RUNDC3B: variants seen among roughly 807,000 people sequenced by gnomAD.
RUNDC3B encodes RUN domain containing 3B, also known as RUN domain-containing protein 3B.
A neutral mutation model predicts 58.4 loss-of-function variants in RUNDC3B; 33 were observed. The observed-to-expected ratio is 0.56, with a 90% CI of 0.43 to 0.75. The LOEUF is 0.75. Ranked by LOEUF, RUNDC3B falls within the 30% of genes least tolerant of loss-of-function variation. RUNDC3B has a pLI of 0.00. For synonymous variants in RUNDC3B, 193 were observed against 195.2 expected, an observed-to-expected ratio of 0.99 and a Z score of 0.10; for missense variants, 501 against 535.7, an observed-to-expected ratio of 0.94 and a Z score of 0.64.
At chr7:87,762,295 CTTG>C (rs1214144611) in intron 6 of RUNDC3B, among the ~76,000 whole-genome samples, 3 of 151,528 alleles carry the variant, frequency 2.0e-5, no homozygotes, top group South Asian at 4.2e-4. Context: ...CTTACATCTC[CTTG>C]TTTTTCTGGA....
intron 10 of RUNDC3B, among the ~76,000 whole-genome samples, chr7:87,824,337 G>C (rs1837673169): frequency 6.6e-6 from 1 of 152,204 alleles, no homozygotes; most frequent in African/African-American, 2.4e-5. Context: ...CACAAGATCT[G>C]ATGGTTTTAA....
chr7:87,814,017 G>C (rs1371177404), intron 9 of RUNDC3B, among the ~76,000 whole-genome samples: 1 of 151,134 alleles, frequency 6.6e-6, no homozygotes, highest in African/African-American at 2.4e-5. Flanking sequence ...AATCAAGTGA[G>C]ATTTTCTGTG....
chr7:87,827,136 A>T (rs1446472395), intron 10 of RUNDC3B, among the ~76,000 whole-genome samples: 1 of 152,190 alleles, frequency 6.6e-6, no homozygotes, highest in Non-Finnish European at 1.5e-5. Context: ...CAAAATTATG[A>T]TTTATTCTGA....
At chr7:87,751,590 T>C (rs927014081) in intron 6 of RUNDC3B, among the ~76,000 whole-genome samples, 4 of 152,160 alleles carry the variant, frequency 2.6e-5, no homozygotes, top group Admixed American at 6.5e-5. Context: ...TGAAGAGGTC[T>C]TTCACATCCC....
At chr7:87,672,056 ACT>A (rs1355998980) in intron 2 of RUNDC3B, among the ~76,000 whole-genome samples, 1 of 151,680 alleles carries the variant, frequency 6.6e-6, no homozygotes, top group African/African-American at 2.4e-5. Flanking sequence ...GTCTGCTCAG[ACT>A]CTCCAAATCC....
In RUNDC3B at chr7:87,830,240, GA is replaced by G. The variant is rs761556494; in HGVS notation, c.*211del. Reference sequence around the variant, plus strand: ...TTTTAAAATTCTTACATTTGTCATTGAGAAAGTTCAAAATGGAATAGGCTTT... The same window carrying G: ...TTTTAAAATTCTTACATTTGTCATTGGAAAGTTCAAAATGGAATAGGCTTT... On this transcript the variant is annotated 3_prime_UTR_variant, in exon 11 of 11. Transcript: ENST00000394654. 5.6e-5 allele frequency: 19 copies of G among 342,134 alleles called. No individual in the cohort carries two copies. Among genetic ancestry groups the G allele is most frequent in the Non-Finnish European group, 8.9e-5 (17 of 191,722 alleles). 21.2% of individuals were successfully genotyped at this position (342,134 alleles called of 1,614,324 possible).
intron 1 of RUNDC3B, among the ~76,000 whole-genome samples, chr7:87,648,379 G>A (rs1823238991): frequency 6.6e-6 from 1 of 152,010 alleles, no homozygotes; most frequent in Non-Finnish European, 1.5e-5. Context: ...GAGGAAAGTG[G>A]TTGCAACAGA....
intron 10 of RUNDC3B, among the ~76,000 whole-genome samples, chr7:87,823,321 T>G (rs1837598041): frequency 6.6e-6 from 1 of 152,152 alleles, no homozygotes. Flanking sequence ...ACATAGCCCT[T>G]TCCATAGAAA....
At chr7:87,670,971 C>T (rs911186130) in intron 2 of RUNDC3B, among the ~76,000 whole-genome samples, 11 of 147,376 alleles carry the variant, frequency 7.5e-5, no homozygotes, top group African/African-American at 2.7e-4. Flanking sequence ...GGGGCGATCT[C>T]AGTGTTTATG....
intron 4 of RUNDC3B, among the ~76,000 whole-genome samples, chr7:87,736,865 ATATATATATATATATATATATATATTTTT>A (rs1333263558): frequency 2.9e-5 from 1 of 34,680 alleles, no homozygotes; most frequent in African/African-American, 1.1e-4. Flanking sequence ...CTATATATAT[ATATATATATATATATATATATATATTTTT>A]TTTTTTTTTT....
At position 87,703,914 on chromosome 7, in the gene RUNDC3B, G is replaced by GTTTTTTTTTTTTTTTT. The variant is rs35797972; in HGVS notation, c.372+3371_372+3386dup. Among the ~76,000 whole-genome samples the GTTTTTTTTTTTTTTTT allele has an allele frequency of 1.9e-3, 82 of 42,978 alleles. 1 individual carries two copies. Among genetic ancestry groups the GTTTTTTTTTTTTTTTT allele is most frequent in the South Asian group, 2.6e-3 (3 of 1,170 alleles). 28.2% of individuals were successfully genotyped at this position (42,978 alleles called of 152,430 possible). A position where few individuals can be genotyped will look rare whatever the true frequency, so the allele number is the denominator to read the frequency against. ...TTTTTTTTTTTTTTTTTTTTTTTTG[G>GTTTTTTTTTTTTTTTT]TTTTTTTTTTTTTTTTTTTTTTTTT... On this transcript the variant is annotated intron_variant, in intron 3 of 10. Transcript: ENST00000394654.
chr7:87,781,506 A>C (rs556012657), intron 8 of RUNDC3B, among the ~76,000 whole-genome samples: 1 of 151,866 alleles, frequency 6.6e-6, no homozygotes, highest in African/African-American at 2.4e-5. Flanking sequence ...TCTGGCTAGG[A>C]CTTCTAGTAC....
intron 9 of RUNDC3B, among the ~76,000 whole-genome samples, chr7:87,809,476 C>G (rs1040161485): frequency 3.2e-4 from 48 of 152,152 alleles, no homozygotes; most frequent in African/African-American, 1.0e-3. Flanking sequence ...TTGCTCTTTT[C>G]TTTCTGCACA....
At chr7:87,693,928 T>G (rs757981347) in intron 2 of RUNDC3B, 1 of 1,611,280 alleles carries the variant, frequency 6.2e-7, no homozygotes, top group East Asian at 2.2e-5. Flanking sequence ...AAGTTGCAGA[T>G]GGCTGGCTCA....
chr7:87,688,677 G>A lies in RUNDC3B; in HGVS notation c.239-11744G>A, dbSNP rs982556649. On this transcript the variant is annotated intron_variant, in intron 2 of 10. Transcript: ENST00000394654. Reference sequence around the variant, plus strand: ...TTTCATTTGAGACTTTATGATTTCTGTTTTAAAACATATGAAATATTTTTC... The same window carrying A: ...TTTCATTTGAGACTTTATGATTTCTATTTTAAAACATATGAAATATTTTTC... Among the ~76,000 whole-genome samples, 8 of 151,608 alleles carry A rather than the reference G, an allele frequency of 5.3e-5. No individual in the cohort carries two copies. The East Asian group carries it at 7.7e-4, about 15-fold the overall frequency.
intron 8 of RUNDC3B, 97 bp downstream of exon 8, chr7:87,778,052 T>A (rs1260059863): frequency 9.9e-7 from 1 of 1,007,082 alleles, no homozygotes; most frequent in African/African-American, 1.6e-5. Context: ...GAAATCTTAT[T>A]GCCTGTTAAA....
At chr7:87,732,640 A>AG (rs749575020) in intron 4 of RUNDC3B, among the ~76,000 whole-genome samples, 6 of 152,202 alleles carry the variant, frequency 3.9e-5, no homozygotes, top group African/African-American at 7.2e-5. Context: ...AGCTGGGTCC[A>AG]GGGGGGTCAC....
At chr7:87,745,176 C>T (rs773096354) in intron 6 of RUNDC3B, among the ~76,000 whole-genome samples, 2 of 152,120 alleles carry the variant, frequency 1.3e-5, no homozygotes, top group Non-Finnish European at 2.9e-5. Flanking sequence ...CCCACTTGAT[C>T]ATGATAGATT....
chr7:87,800,538 T>C (rs1179323352), intron 8 of RUNDC3B, among the ~76,000 whole-genome samples: 3 of 152,162 alleles, frequency 2.0e-5, no homozygotes, highest in Non-Finnish European at 2.9e-5. Flanking sequence ...CATATGGTAA[T>C]TCTATTTTCA....
Sources: gnomAD v4.1 joint callset for allele counts (sites outside exome capture counted in the v4.1 genomes callset) on GRCh38, gnomAD v4.1.1 for gene constraint, MANE v1.5 for transcripts, NCBI Gene and HGNC (gene_info 2026-07-23, HGNC 2026-07-21) for gene names.